The following FAM222B variants were observed in gnomAD, a reference collection of about 807,000 sequenced individuals.
FAM222B encodes the protein family with sequence similarity 222 member B, also known as protein FAM222B.
FAM222B carries 12 observed loss-of-function variants against 38.0 expected under a neutral mutation model. That is an observed-to-expected ratio of 0.32 (90% CI 0.20 to 0.51). The LOEUF (loss-of-function observed/expected upper bound fraction) is 0.51, where lower values mean the gene tolerates loss of function less well. Ranked by LOEUF, FAM222B falls within the 20% of genes least tolerant of loss-of-function variation. The probability of loss-of-function intolerance (pLI) is 0.97; values close to 1 mark genes in which losing one functional copy is unlikely to be tolerated. For synonymous variants in FAM222B, 329 were observed against 317.2 expected (o/e 1.04, Z -0.40); for missense variants, 716 against 754.2 (o/e 0.95, Z 0.59).
chr17:28,799,742 G>A (rs1311891394), intron 1 of FAM222B, among the ~76,000 whole-genome samples: 1 of 152,082 alleles, frequency 6.6e-6, no homozygotes, highest in East Asian at 1.9e-4. Context: ...TGAGTAAGCT[G>A]GGACTACAGG....
chr17:28,799,491 A>G (rs2037115886), intron 1 of FAM222B, among the ~76,000 whole-genome samples: 1 of 149,756 alleles, frequency 6.7e-6, no homozygotes, highest in African/African-American at 2.5e-5. Flanking sequence ...TTGTATTTTT[A>G]GTAGAGACGG....
At position 28,758,881 on chromosome 17, in the gene FAM222B, G is replaced by C; in HGVS notation, c.1078C>G (p.Leu360Val). 3 of 1,608,002 alleles carry C rather than the reference G, an allele frequency of 1.9e-6. No individual in the cohort carries two copies. Among genetic ancestry groups the C allele is most frequent in the Non-Finnish European group, 1.7e-6 (2 of 1,177,874 alleles). ...TGCTGGTTCCAGGTGACTGGCTTGA[G>C]GTCGCTAGGGTAGCCAGTGGGGACG... ...SRVPTGYPSDLKPVTWNQHQL... is the reference protein window; with the variant it reads ...SRVPTGYPSDVKPVTWNQHQL... Residue 360 changes from leucine to valine, a missense_variant, in exon 3 of 3, where the codon CTC becomes GTC. Leu to Val is a conservative substitution (Grantham distance 32). Transcript: ENST00000581407.
intron 1 of FAM222B, among the ~76,000 whole-genome samples, chr17:28,779,324 G>A (rs1463181847): frequency 6.6e-6 from 1 of 152,118 alleles, no homozygotes. Flanking sequence ...ATTAAAAGAA[G>A]CATTCACCAT....
intron 1 of FAM222B, among the ~76,000 whole-genome samples, chr17:28,807,305 C>T (rs1441273189): frequency 6.6e-6 from 1 of 152,034 alleles, no homozygotes; most frequent in Non-Finnish European, 1.5e-5. Flanking sequence ...CGTGAGCCAC[C>T]GCGCCTGGCA....
chr17:28,771,466 G>A (rs1447276762), intron 1 of FAM222B, among the ~76,000 whole-genome samples: 4 of 152,086 alleles, frequency 2.6e-5, no homozygotes, highest in African/African-American at 9.7e-5. Flanking sequence ...GGGATCACAA[G>A]GTCAGGAGTT....
At chr17:28,768,859 AAGAG>A (rs1323148938) in intron 1 of FAM222B, among the ~76,000 whole-genome samples, 99 of 150,532 alleles carry the variant, frequency 6.6e-4, no homozygotes, top group Non-Finnish European at 9.2e-4. Flanking sequence ...AAAAAAAAAA[AAGAG>A]AGACTTCTGT....
chr17:28,837,089 C>G (rs2038869386), intron 1 of FAM222B, among the ~76,000 whole-genome samples: 1 of 152,134 alleles, frequency 6.6e-6, no homozygotes, highest in Non-Finnish European at 1.5e-5. Flanking sequence ...GCACTCCAGC[C>G]TGGGTGACAA....
chr17:28,769,174 CT>C (rs35918064), intron 1 of FAM222B, among the ~76,000 whole-genome samples: 176 of 82,574 alleles, frequency 2.1e-3, no homozygotes, highest in African/African-American at 7.0e-3. Flanking sequence ...AATGTTAGTT[CT>C]TTTTTTTTTT....
intron 1 of FAM222B, among the ~76,000 whole-genome samples, chr17:28,796,633 A>G (rs929697306): frequency 6.6e-6 from 1 of 152,156 alleles, no homozygotes; most frequent in African/African-American, 2.4e-5. Flanking sequence ...TGTTATACTA[A>G]CAATTTATCT....
At chr17:28,784,665 CTAAAAATACAAAAAA>C (rs1321302862) in intron 1 of FAM222B, among the ~76,000 whole-genome samples, 1 of 151,864 alleles carries the variant, frequency 6.6e-6, no homozygotes, top group Non-Finnish European at 1.5e-5. Context: ...CCCGTCTCTA[CTAAAAATACAAAAAA>C]TTAGCTGGGC....
At chr17:28,771,013 CT>C (rs56281104) in intron 1 of FAM222B, among the ~76,000 whole-genome samples, 13,911 of 137,482 alleles carry the variant, frequency 0.1, 823 homozygotes, top group Middle Eastern at 0.15. Context: ...TATATTTTTT[CT>C]TTTTTTTTTT....
intron 1 of FAM222B, chr17:28,802,356 C>T (rs906323169): frequency 6.6e-6 from 1 of 150,678 alleles, no homozygotes; most frequent in African/African-American, 2.5e-5. Context: ...CCTCGGCCTC[C>T]CAAAGTGCTG....
At chr17:28,771,085 G>A (rs2035610759) in intron 1 of FAM222B, among the ~76,000 whole-genome samples, 1 of 151,394 alleles carries the variant, frequency 6.6e-6, no homozygotes, top group Non-Finnish European at 1.5e-5. Flanking sequence ...GGCCTTCTAA[G>A]GGAAAGATAG....
intron 1 of FAM222B, among the ~76,000 whole-genome samples, chr17:28,819,256 G>A (rs1445828496): frequency 2.0e-5 from 3 of 152,028 alleles, no homozygotes; most frequent in East Asian, 3.8e-4. Context: ...TAGCCTTAAG[G>A]AATACTAACA....
chr17:28,775,713 T>C (rs1391398605), intron 1 of FAM222B, among the ~76,000 whole-genome samples: 1 of 151,542 alleles, frequency 6.6e-6, no homozygotes, highest in African/African-American at 2.4e-5. Flanking sequence ...AAGCTCCGTC[T>C]CTACTAAAAA....
intron 1 of FAM222B, among the ~76,000 whole-genome samples, chr17:28,775,656 G>A (rs929227951): frequency 1.3e-5 from 2 of 151,916 alleles, no homozygotes; most frequent in African/African-American, 4.8e-5. Flanking sequence ...TGAGGTGCGT[G>A]GATCACTTGA....
chr17:28,785,681 A>T (rs2036376633), intron 1 of FAM222B, among the ~76,000 whole-genome samples: 1 of 148,864 alleles, frequency 6.7e-6, no homozygotes, highest in South Asian at 2.1e-4. Flanking sequence ...GATTACAGGC[A>T]TGTGCCACCA....
In FAM222B at chr17:28,759,687, T is replaced by C; in HGVS notation, c.272A>G (p.Tyr91Cys). ...TGCCTTGGTGGCAGCCTGTGTCGGG[T>C]AGGGGCTGTAGCGCTGGGCTGATGT... is the stretch of plus-strand genomic sequence containing the variant. ...LDTSAQRYSP[Y>C]PTQAATKAGL... Residue 91 changes from tyrosine (Y) to cysteine (C), a missense_variant, in exon 3 of 3, where the codon TAC becomes TGC. By Grantham distance (194) the Tyr-to-Cys change is radical. Coordinates refer to ENST00000581407, the MANE Select transcript of FAM222B (RefSeq NM_001077498.3). The surrounding 1 kb of genome is among the most constrained non-coding windows in gnomAD (Gnocchi z 4.8). 2 of 1,613,294 alleles carry C rather than the reference T, an allele frequency of 1.2e-6. No homozygotes were observed. Among genetic ancestry groups the C allele is most frequent in the Non-Finnish European group, 1.7e-6 (2 of 1,179,642 alleles).
chr17:28,799,599 G>A (rs2037122751), intron 1 of FAM222B, among the ~76,000 whole-genome samples: 1 of 151,966 alleles, frequency 6.6e-6, no homozygotes, highest in Admixed American at 6.6e-5. Flanking sequence ...GTGAGCCACC[G>A]CGCCCAGCCA....
Sources: allele counts gnomAD v4.1 joint callset (sites outside exome capture counted in the v4.1 genomes callset), GRCh38; gene constraint gnomAD v4.1.1; non-coding constraint Gnocchi (gnomAD v3.1); transcripts MANE v1.5; gene names NCBI Gene and HGNC (gene_info 2026-07-23, HGNC 2026-07-21).